The following CFAP20DC variants were observed in gnomAD, a reference collection of about 807,000 sequenced individuals.
The protein encoded by CFAP20DC is protein CFAP20DC.
A neutral mutation model predicts 101.7 loss-of-function variants in CFAP20DC; 84 were observed. The observed-to-expected ratio is 0.83, with a 90% CI of 0.69 to 0.99. The LOEUF (loss-of-function observed/expected upper bound fraction) is 0.99. Among genes scored for constraint, CFAP20DC ranks in the 50% least tolerant of loss-of-function variants. The pLI is 0.00. For missense variants in CFAP20DC, 1,007 were observed against 970.3 expected (o/e 1.04, Z -0.50); for synonymous variants, 359 against 351.2 (o/e 1.02, Z -0.25).
In CFAP20DC at chr3:58,795,415, C is replaced by A. The variant is rs562255738; in HGVS notation, c.2237+10980G>T. Among the ~76,000 whole-genome samples the A allele has an allele frequency of 6.6e-6, 1 of 152,038 alleles. No individual in the cohort carries two copies. Among genetic ancestry groups the A allele is most frequent in the East Asian group, 1.9e-4 (1 of 5,176 alleles). On this transcript the variant is annotated intron_variant, in intron 15 of 16. Coordinates refer to ENST00000482387, the MANE Select transcript of CFAP20DC (RefSeq NM_001394063.1). This position sits in a 1 kb window ranked among gnomAD's most constrained non-coding sequence, Gnocchi z 4.2. Reference sequence around the variant, plus strand: ...CCTTTGGGAGGCCAAGGTGGAGGGACGGTTGCTTGAGCCCAGGAGTACGAG... The same window carrying A: ...CCTTTGGGAGGCCAAGGTGGAGGGAAGGTTGCTTGAGCCCAGGAGTACGAG...
intron 4 of CFAP20DC, among the ~76,000 whole-genome samples, chr3:58,982,377 T>C (rs1401904335): frequency 6.6e-6 from 1 of 152,094 alleles, no homozygotes; most frequent in Non-Finnish European, 1.5e-5. Context: ...ACCCAAAGGA[T>C]TAGAAATCTT....
In CFAP20DC at chr3:58,859,210, A is replaced by G. The variant is rs577729403; in HGVS notation, c.1593+4348T>C. Reference sequence around the variant, plus strand: ...TGCCTGATATTAAAAAGGTTTGGCCAAATTACTTTCATGACATCTTTACCT... The same window carrying G: ...TGCCTGATATTAAAAAGGTTTGGCCGAATTACTTTCATGACATCTTTACCT... On this transcript the variant is annotated intron_variant, in intron 12 of 16. Transcript: ENST00000482387. The surrounding 1 kb of genome is among the most constrained non-coding windows in gnomAD (Gnocchi z 4.1). Among the ~76,000 whole-genome samples the G allele has an allele frequency of 2.0e-5, 3 of 152,362 alleles. No individual in the cohort carries two copies. The East Asian group carries it at 5.8e-4, about 29-fold the overall frequency.
intron 3 of CFAP20DC, among the ~76,000 whole-genome samples, chr3:58,723,562 A>G (rs190082821): frequency 6.6e-5 from 10 of 152,340 alleles, no homozygotes; most frequent in Admixed American, 5.9e-4. Flanking sequence ...GAAGGTGGGG[A>G]GCATCAATAA....
At chr3:58,807,858 G>A (rs2074238191) in intron 14 of CFAP20DC, among the ~76,000 whole-genome samples, 1 of 152,168 alleles carries the variant, frequency 6.6e-6, no homozygotes, top group Admixed American at 6.5e-5. Flanking sequence ...CCAATACAGA[G>A]AAGTGCTTAA....
chr3:59,041,600 T>C (rs1343294249), intron 3 of CFAP20DC, among the ~76,000 whole-genome samples: 1 of 152,140 alleles, frequency 6.6e-6, no homozygotes, highest in Non-Finnish European at 1.5e-5. Flanking sequence ...GGAAATTCTG[T>C]TAGTCAAAAA....
chr3:58,959,801 A>C (rs2090976293), intron 4 of CFAP20DC, among the ~76,000 whole-genome samples: 1 of 152,208 alleles, frequency 6.6e-6, no homozygotes, highest in South Asian at 2.1e-4. Context: ...ACAAGTGCTC[A>C]CTGGGATTTT....
chr3:58,827,408 T>C lies in CFAP20DC; in HGVS notation c.2175+4278A>G, dbSNP rs371448580. Among the ~76,000 whole-genome samples the C allele has an allele frequency of 2.6e-5, 3 of 114,724 alleles. No homozygotes were observed. In the East Asian group the frequency reaches 9.4e-4, roughly 36 times the overall value. The allele number at this position is 114,724 out of a possible 152,430, so 75.3% of individuals were successfully genotyped here. On this transcript the variant is annotated intron_variant, in intron 14 of 16. Transcript: ENST00000482387. The stretch of plus-strand genomic sequence containing the variant: ...GTGTGGCAGGAGCAGAGTGGCTCAC[T>C]TGTGTGTATGTTGGGTGGGGGGTGG...
At chr3:58,893,379 CA>C (rs1559781799) in intron 6 of CFAP20DC, among the ~76,000 whole-genome samples, 2 of 152,168 alleles carry the variant, frequency 1.3e-5, no homozygotes, top group Non-Finnish European at 2.9e-5. Context: ...GCCTTTTCTG[CA>C]TCTATTAAGA....
At chr3:58,736,673 A>G (rs1053506906) in intron 3 of CFAP20DC, among the ~76,000 whole-genome samples, 1 of 152,176 alleles carries the variant, frequency 6.6e-6, no homozygotes, top group African/African-American at 2.4e-5. Flanking sequence ...CACCTGTTAA[A>G]ATATTGACCG....
At chr3:58,924,876 T>C (rs2085778046) in intron 5 of CFAP20DC, among the ~76,000 whole-genome samples, 1 of 152,170 alleles carries the variant, frequency 6.6e-6, no homozygotes, top group Non-Finnish European at 1.5e-5. Context: ...GTTTGTCTTC[T>C]TTTGAGAAGT....
Position 58,859,821 on chromosome 3 carries a change from A to G in CFAP20DC, c.1593+3737T>C, listed in dbSNP as rs2079099101. ...GAAGGCTACATAGAAATATAAGAAGACTACTGTCAACTAAATATTCCTTTC... is the reference window on the plus strand; with the variant it reads ...GAAGGCTACATAGAAATATAAGAAGGCTACTGTCAACTAAATATTCCTTTC... On this transcript the variant is annotated intron_variant, in intron 12 of 16. Transcript: ENST00000482387. The surrounding 1 kb of genome is among the most constrained non-coding windows in gnomAD (Gnocchi z 4.1). 6.6e-6 allele frequency among the ~76,000 whole-genome samples: 1 copy of G among 152,144 alleles called. No homozygotes were observed. Among genetic ancestry groups the G allele is most frequent in the Non-Finnish European group, 1.5e-5 (1 of 68,030 alleles).
intron 13 of CFAP20DC, among the ~76,000 whole-genome samples, chr3:58,842,519 C>G (rs977212407): frequency 8.8e-4 from 134 of 152,214 alleles, no homozygotes; most frequent in Non-Finnish European, 1.3e-3. Context: ...GTCCTACGCC[C>G]ACGGAATCTC....
chr3:58,805,038 C>T (rs775932102), intron 15 of CFAP20DC, among the ~76,000 whole-genome samples: 17 of 152,172 alleles, frequency 1.1e-4, no homozygotes, highest in Non-Finnish European at 1.9e-4. Flanking sequence ...TCCTGTAAAC[C>T]ACTTACGTGG....
chr3:59,003,494 A>G (rs777497682), intron 4 of CFAP20DC, among the ~76,000 whole-genome samples: 2 of 152,208 alleles, frequency 1.3e-5, no homozygotes, highest in African/African-American at 2.4e-5. Flanking sequence ...TTCTAAACCC[A>G]AAGTCAGATG....
At chr3:58,816,845 AC>A in intron 14 of CFAP20DC, among the ~76,000 whole-genome samples, 1 of 152,258 alleles carries the variant, frequency 6.6e-6, no homozygotes, top group South Asian at 2.1e-4. Context: ...CAGGGCACAG[AC>A]AAACAAAAAG....
At chr3:58,900,005 T>C (rs2083005754) in intron 6 of CFAP20DC, among the ~76,000 whole-genome samples, 2 of 152,228 alleles carry the variant, frequency 1.3e-5, no homozygotes, top group South Asian at 4.1e-4. Context: ...AGAAACAGCA[T>C]AATGGGAGAA....
intron 12 of CFAP20DC, among the ~76,000 whole-genome samples, chr3:58,849,621 G>A (rs1031675030): frequency 3.9e-5 from 6 of 152,026 alleles, no homozygotes; most frequent in African/African-American, 1.4e-4. Context: ...CCTGCTATAC[G>A]GTATTTGGTC....
At chr3:58,950,280 A>G (rs1253163536) in intron 4 of CFAP20DC, among the ~76,000 whole-genome samples, 2 of 152,238 alleles carry the variant, frequency 1.3e-5, no homozygotes, top group African/African-American at 4.8e-5. Context: ...CAAATGGAAG[A>G]ACATTCCATG....
chr3:58,937,656 G>T lies in CFAP20DC; in HGVS notation c.385C>A (p.Arg129Ser), dbSNP rs545378264. The change falls in exon 5 of 17, where the codon CGT becomes AGT. Residue 129 changes from arginine (R) to serine (S), a missense_variant. Physicochemically the swap from Arg to Ser is moderately radical, Grantham distance 110. Coordinates refer to ENST00000482387, the MANE Select transcript of CFAP20DC (RefSeq NM_001394063.1). The part of the protein sequence containing the change: ...HAKIPLFMIK[R>S]KIWCNLCIDL... The stretch of plus-strand genomic sequence containing the variant: ...ATTCATGTGATACTTACAATTTTAC[G>T]TTTGATCATGAAGAGTGGAATTTTT... The T allele has an allele frequency of 6.3e-7, 1 of 1,585,182 alleles. No individual in the cohort carries two copies. Among genetic ancestry groups the T allele is most frequent in the East Asian group, 2.2e-5 (1 of 44,686 alleles).
Sources: allele counts gnomAD v4.1 joint callset (sites outside exome capture counted in the v4.1 genomes callset), GRCh38; gene constraint gnomAD v4.1.1; non-coding constraint Gnocchi (gnomAD v3.1); transcripts MANE v1.5; gene names NCBI Gene and HGNC (gene_info 2026-07-23, HGNC 2026-07-21).